Variants in USP40 observed in about 807,000 individuals in gnomAD.
The protein encoded by USP40 is ubiquitin carboxyl-terminal hydrolase 40.
Under a neutral mutation model 166.2 loss-of-function variants are expected in USP40, and 143 were observed. The ratio of observed to expected loss-of-function variants is 0.86; its 90% CI spans 0.75 to 0.99. USP40 has a LOEUF of 0.99. Among genes scored for constraint, USP40 ranks in the 50% least tolerant of loss-of-function variants. USP40 has a pLI of 0.00. For missense variants in USP40, 1,444 were observed against 1,479.7 expected, an observed-to-expected ratio of 0.98 and a Z score of 0.40; for synonymous variants, 498 against 524.0, an observed-to-expected ratio of 0.95 and a Z score of 0.68.
chr2:233,562,562 T>C (rs1454164900), intron 3 of USP40, among the ~76,000 whole-genome samples, 174 bp downstream of exon 3: 2 of 117,886 alleles, frequency 1.7e-5, no homozygotes, highest in Non-Finnish European at 3.5e-5. Context: ...CTGGGGACTG[T>C]TGTGGGTTGG....
At position 233,523,260 on chromosome 2, in the gene USP40, A is replaced by G; in HGVS notation, c.2111T>C (p.Ile704Thr). The G allele has an allele frequency of 6.2e-7, 1 of 1,613,924 alleles. No homozygotes were observed. The highest frequency in any genetic ancestry group is 8.5e-7 in the Non-Finnish European group (1 of 1,179,864). The change falls in exon 16 of 32, where the codon ATC becomes ACC. Residue 704 changes from isoleucine (I) to threonine (T), a missense_variant. Coordinates refer to ENST00000678225, the MANE Select transcript of USP40 (RefSeq NM_001365479.2). ...CGTCTTCCTCATGTCTTCCTTGGGG[A>G]TGGCCGTCCAACCCTCCCCACCTGG... Reference protein sequence around the residue: ...GCPGGEGWTAIPKEDMRKTFR... With the variant: ...GCPGGEGWTATPKEDMRKTFR...
At position 233,477,426 on chromosome 2, in the gene USP40, G is replaced by T; in HGVS notation, c.3677C>A (p.Thr1226Asn). The change falls in exon 32 of 32, where the codon ACT (threonine) becomes AAT (asparagine). Residue 1226 changes from threonine (T) to asparagine (N), a missense_variant. Coordinates refer to ENST00000678225, the MANE Select transcript of USP40 (RefSeq NM_001365479.2). ...GCTCCCCACGTGGATGGAGAGAGAA[G>T]TTTCCGGGGCTCGGGGCCGGGCAGG... is the stretch of plus-strand genomic sequence containing the variant. ...ETPARPRAPE[T>N]SLSIHVGSFR 1 of 1,613,786 alleles carries T rather than the reference G, an allele frequency of 6.2e-7. No homozygotes were observed. The highest frequency in any genetic ancestry group is 8.5e-7 in the Non-Finnish European group (1 of 1,179,844).
chr2:233,501,764 G>A (rs1465905872), intron 21 of USP40, among the ~76,000 whole-genome samples: 1 of 152,178 alleles, frequency 6.6e-6, no homozygotes, highest in Non-Finnish European at 1.5e-5. Flanking sequence ...AAATATGAGC[G>A]GGTTATGTTT....
intron 18 of USP40, among the ~76,000 whole-genome samples, chr2:233,516,469 G>A (rs1356155856): frequency 2.0e-5 from 3 of 152,170 alleles, no homozygotes; most frequent in Non-Finnish European, 2.9e-5. Flanking sequence ...AGGCCTAGGC[G>A]GGCGGATCAC....
chr2:233,512,138 T>C (rs1379231048), intron 19 of USP40: 1 of 202,082 alleles, frequency 4.9e-6, no homozygotes, highest in Non-Finnish European at 9.8e-6. Context: ...AAGTAGCTTC[T>C]TCCAAGTTTA....
At chr2:233,478,357 G>C (rs1250614472) in intron 31 of USP40, among the ~76,000 whole-genome samples, 1 of 152,130 alleles carries the variant, frequency 6.6e-6, no homozygotes, top group South Asian at 2.1e-4. Flanking sequence ...TCCCACTTTA[G>C]TGTTGCCAAT....
At chr2:233,520,736 G>A (rs1323562130) in intron 17 of USP40, among the ~76,000 whole-genome samples, 1 of 152,148 alleles carries the variant, frequency 6.6e-6, no homozygotes, top group African/African-American at 2.4e-5. Flanking sequence ...AGAATTCCAT[G>A]AACTAACTAA....
rs576593620 is a variant in USP40, at chr2:233,519,655, C to T, written c.2342G>A (p.Arg781Gln). The T allele has an allele frequency of 1.2e-4, 176 of 1,420,140 alleles. No individual in the cohort carries two copies. The highest frequency in any genetic ancestry group is 3.5e-4 in the Middle Eastern group (2 of 5,650). The allele number at this position is 1,420,140 out of a possible 1,614,324, so 88.0% of individuals were successfully genotyped here. ...ATVNTMVFDIRIKAIKELKLM... is the reference protein window; with the variant it reads ...ATVNTMVFDIQIKAIKELKLM... ...TTTTAATTCCTTTATGGCTTTAATT[C>T]GAATATCAAACACCATCTAAAACAG... Residue 781 changes from arginine (R) to glutamine (Q), a missense_variant, in exon 18 of 32, where the codon CGA (arginine) becomes CAA (glutamine). Physicochemically the swap from Arg to Gln is conservative, Grantham distance 43. Transcript: ENST00000678225.
At chr2:233,544,075 C>T (rs2069673817) in intron 8 of USP40, among the ~76,000 whole-genome samples, 1 of 152,200 alleles carries the variant, frequency 6.6e-6, no homozygotes, top group Non-Finnish European at 1.5e-5. Flanking sequence ...CAAACACCAA[C>T]TACATACGGA....
intron 10 of USP40, among the ~76,000 whole-genome samples, chr2:233,536,543 C>T (rs1308519194): frequency 2.6e-5 from 4 of 152,126 alleles, no homozygotes; most frequent in African/African-American, 9.7e-5. Flanking sequence ...CTCAGCTACT[C>T]GGGAGGCTGA....
In USP40 at chr2:233,493,218, G is replaced by A. The variant is rs2065460039; in HGVS notation, c.2917+207C>T. Reference sequence around the variant, plus strand: ...ATAATAATAAACAACAAGATATATAGTGCTTTACAGAGGTTACAGAGCACG... The same window carrying A: ...ATAATAATAAACAACAAGATATATAATGCTTTACAGAGGTTACAGAGCACG... On this transcript the variant is annotated intron_variant, in intron 25 of 31. Transcript: ENST00000678225. The surrounding 1 kb of genome is among the most constrained non-coding windows in gnomAD (Gnocchi z 4.7). The A allele has an allele frequency of 7.8e-6, 5 of 638,580 alleles. No homozygotes were observed. The South Asian group carries it at 1.1e-4, about 14-fold the overall frequency. 39.6% of individuals were successfully genotyped at this position (638,580 alleles called of 1,614,324 possible). A position where few individuals can be genotyped will look rare whatever the true frequency, so the allele number is the denominator to read the frequency against.
At chr2:233,541,875 A>T (rs1329765184) in intron 9 of USP40, among the ~76,000 whole-genome samples, 2 of 152,250 alleles carry the variant, frequency 1.3e-5, no homozygotes, top group Admixed American at 1.3e-4. Flanking sequence ...GTAAAGCTCA[A>T]TTTGGTTTAA....
Position 233,493,614 on chromosome 2 carries a change from T to C in USP40, c.2791-63A>G. 4.7e-6 allele frequency: 7 copies of C among 1,497,346 alleles called. No individual in the cohort carries two copies. The South Asian group carries it at 9.4e-5, about 20-fold the overall frequency. 92.8% of individuals were successfully genotyped at this position (1,497,346 alleles called of 1,614,324 possible). ...AGATTAAGTGAAACTCTACTTTTACTTCCATAGAAAGAAACACCTTGATGA... is the reference window on the plus strand; with the variant it reads ...AGATTAAGTGAAACTCTACTTTTACCTCCATAGAAAGAAACACCTTGATGA... On this transcript the variant is annotated intron_variant, in intron 24 of 31. Transcript: ENST00000678225. This position sits in a 1 kb window ranked among gnomAD's most constrained non-coding sequence, Gnocchi z 4.7.
At chr2:233,511,362 C>T (rs1238690693) in intron 20 of USP40, among the ~76,000 whole-genome samples, 3 of 152,126 alleles carry the variant, frequency 2.0e-5, no homozygotes, top group Non-Finnish European at 2.9e-5. Context: ...AACTGCAGAA[C>T]GTCCCTGACT....
In USP40 at chr2:233,521,087, G is replaced by A. The variant is rs370919210; in HGVS notation, c.2229C>T (p.Val743=). 1.8e-5 allele frequency: 29 copies of A among 1,605,554 alleles called. No homozygotes were observed. In the African/African-American group the frequency reaches 3.3e-4, roughly 18 times the overall value. ...GCCAGTCAATCTCATTCATACTAGTGACCCATTTCTCTTCCTTGGTCAACA... is the reference window on the plus strand; with the variant it reads ...GCCAGTCAATCTCATTCATACTAGTAACCCATTTCTCTTCCTTGGTCAACA... ...NSLLTKEEKW[V]TSMNEIDWLH... The change falls in exon 17 of 32, where the codon GTC becomes GTT. Residue 743 remains valine (V), a synonymous_variant. Transcript: ENST00000678225.
intron 4 of USP40, 107 bp downstream of exon 4, chr2:233,559,702 AAT>A: frequency 1.6e-6 from 1 of 633,838 alleles, no homozygotes; most frequent in Non-Finnish European, 2.5e-6. Context: ...ACATTCAAAC[AAT>A]ATGTTGAGAC....
chr2:233,538,227 A>G (rs552115324), intron 10 of USP40, among the ~76,000 whole-genome samples: 1 of 152,290 alleles, frequency 6.6e-6, no homozygotes, highest in South Asian at 2.1e-4. Flanking sequence ...AAAGAAAATA[A>G]AGAATAGAGG....
chr2:233,491,766 G>A (rs4663226), intron 25 of USP40, among the ~76,000 whole-genome samples: 15 of 152,108 alleles, frequency 9.9e-5, no homozygotes, highest in Admixed American at 8.5e-4. Context: ...CCCAATAAAT[G>A]TTTATTTATA....
chr2:233,562,771 C>G lies in USP40; in HGVS notation c.232G>C (p.Gly78Arg). Residue 78 changes from glycine to arginine, a missense_variant, in exon 3 of 32, where the codon GGT becomes CGT. Physicochemically the swap from Gly to Arg is moderately radical, Grantham distance 125 (BLOSUM62 -2). Coordinates refer to ENST00000678225, the MANE Select transcript of USP40 (RefSeq NM_001365479.2). ...GGTTTATCCTTATCTTCAAACAAAC[C>G]AAGCTCTTCTGGGCCAAGAGAAAAT... ...ALFSLGPEEL[G>R]LFEDKDKPDA... 1 of 1,537,952 alleles carries G rather than the reference C, an allele frequency of 6.5e-7. No individual in the cohort carries two copies.
Sources: allele counts gnomAD v4.1 joint callset (sites outside exome capture counted in the v4.1 genomes callset), GRCh38; gene constraint gnomAD v4.1.1; non-coding constraint Gnocchi (gnomAD v3.1); transcripts MANE v1.5; gene names NCBI Gene and HGNC (gene_info 2026-07-23, HGNC 2026-07-21).